LPIN1: variants seen among roughly 807,000 people sequenced by gnomAD.
LPIN1 encodes lipin 1, also known as phosphatidate phosphatase LPIN1.
A neutral mutation model predicts 107.5 loss-of-function variants in LPIN1; 71 were observed. The observed-to-expected ratio is 0.66, with a 90% CI of 0.55 to 0.80. The LOEUF (loss-of-function observed/expected upper bound fraction) is 0.80. LPIN1 is among the 30% of genes least tolerant of loss of function. The pLI is 0.00. For missense variants in LPIN1, 1,043 were observed against 1,160.6 expected (o/e 0.90, Z 1.47); for synonymous variants, 445 against 452.6 (o/e 0.98, Z 0.21).
chr2:11,789,155 A>T (rs537484563), intron 12 of LPIN1, among the ~76,000 whole-genome samples: 100 of 152,358 alleles, frequency 6.6e-4, no homozygotes, highest in African/African-American at 2.4e-3. Flanking sequence ...TTGTGCGCTT[A>T]GCAAGCTTTT....
rs1670782435 is a variant in LPIN1 at position 11,765,830 on chromosome 2, G to A, written c.192+97G>A. ...CCTGTCTTGAACTCTCAGACCCAGA[G>A]TTTTAGGTCTTCGTTGGAAATGGCC... is the stretch of plus-strand genomic sequence containing the variant. On this transcript the variant is annotated intron_variant, in intron 2 of 20. Coordinates refer to ENST00000674199, the MANE Select transcript of LPIN1 (RefSeq NM_001349206.2). The surrounding 1 kb of genome is among the most constrained non-coding windows in gnomAD (Gnocchi z 4.4). The A allele has an allele frequency of 2.7e-6, 3 of 1,091,074 alleles. No individual in the cohort carries two copies. The South Asian group carries it at 5.0e-5, about 18-fold the overall frequency. The allele number at this position is 1,091,074 out of a possible 1,614,324, so 67.6% of individuals were successfully genotyped here.
intron 1 of LPIN1, among the ~76,000 whole-genome samples, chr2:11,710,694 A>T (rs1468052134): frequency 6.6e-6 from 1 of 152,220 alleles, no homozygotes; most frequent in Non-Finnish European, 1.5e-5. Context: ...AAATGAGAAT[A>T]TTGAGGCTTA....
intron 1 of LPIN1, among the ~76,000 whole-genome samples, chr2:11,703,335 A>G (rs1281207290): frequency 6.6e-6 from 1 of 152,146 alleles, no homozygotes; most frequent in East Asian, 1.9e-4. Context: ...CCTGGCTCAT[A>G]GTGACCAATC....
intron 1 of LPIN1, among the ~76,000 whole-genome samples, chr2:11,752,728 G>A (rs1668051852): frequency 6.6e-6 from 1 of 152,084 alleles, no homozygotes; most frequent in Admixed American, 6.6e-5. Flanking sequence ...ACCGCGCCCG[G>A]CCTCCAAGGC....
intron 13 of LPIN1, among the ~76,000 whole-genome samples, chr2:11,793,743 T>C (rs1412026408): frequency 6.6e-6 from 1 of 152,238 alleles, no homozygotes; most frequent in Admixed American, 6.5e-5. Context: ...CCTCTGCCTG[T>C]GAACTTTTCC....
In LPIN1 at chr2:11,774,646, C is replaced by T. The variant is rs1558874061; in HGVS notation, c.722+901C>T. On this transcript the variant is annotated intron_variant, in intron 5 of 20. Coordinates refer to ENST00000674199, the MANE Select transcript of LPIN1 (RefSeq NM_001349206.2). The surrounding 1 kb of genome is among the most constrained non-coding windows in gnomAD (Gnocchi z 4.4). ...GGTTCATGGTGCCAGCCCTTAGAAA[C>T]TCTGGGTTCCTACCTGAAGCCGGTC... 6.6e-6 allele frequency among the ~76,000 whole-genome samples: 1 copy of T among 152,178 alleles called. No individual in the cohort carries two copies. Among genetic ancestry groups the T allele is most frequent in the Non-Finnish European group, 1.5e-5 (1 of 68,038 alleles).
rs116386540 is a variant in LPIN1, at chr2:11,706,334, C to T, written c.82-7422C>T. ...GGAGGCAGGCAGAATAGTGGTCCCC[C>T]AAAGATGCCCCATCCTCATCCTTGG... On this transcript the variant is annotated intron_variant, in intron 1 of 21. Transcript: ENST00000449576. Among the ~76,000 whole-genome samples the T allele has an allele frequency of 9.9e-3, 1,507 of 152,268 alleles. 12 individuals carry two copies. The highest frequency in any genetic ancestry group is 0.015 in the Admixed American group (226 of 15,300).
chr2:11,809,503 G>A (rs561822849), intron 17 of LPIN1, among the ~76,000 whole-genome samples: 231 of 152,092 alleles, frequency 1.5e-3, no homozygotes, highest in Non-Finnish European at 2.8e-3. Flanking sequence ...TGCAACCTCC[G>A]CCTCCCAGGT....
chr2:11,706,006 G>T (rs992374090), intron 1 of LPIN1, among the ~76,000 whole-genome samples: 3 of 152,116 alleles, frequency 2.0e-5, no homozygotes, highest in Non-Finnish European at 4.4e-5. Flanking sequence ...AGATCTGATG[G>T]TTTTAAAAAT....
chr2:11,767,733 ATTCTT>A (rs1671157579), intron 2 of LPIN1, 25 bp from the exon 3 acceptor site: 6 of 1,453,938 alleles, frequency 4.1e-6, no homozygotes, highest in Non-Finnish European at 5.8e-6. Flanking sequence ...AAGGCAGTTC[ATTCTT>A]TTCTTAACCA....
At chr2:11,789,678 G>C (rs1166173068) in intron 12 of LPIN1, among the ~76,000 whole-genome samples, 1 of 152,186 alleles carries the variant, frequency 6.6e-6, no homozygotes, top group Non-Finnish European at 1.5e-5. Flanking sequence ...ATGTTCTCCA[G>C]AGTGGTTTTT....
At chr2:11,819,967 T>G (rs1415233836) in intron 19 of LPIN1, among the ~76,000 whole-genome samples, 1 of 152,186 alleles carries the variant, frequency 6.6e-6, no homozygotes, top group Non-Finnish European at 1.5e-5. Context: ...ACGTTTTAAG[T>G]GTCTAGTGTT....
intron 7 of LPIN1, among the ~76,000 whole-genome samples, chr2:11,781,711 C>T (rs920077879): frequency 6.6e-6 from 1 of 152,218 alleles, no homozygotes; most frequent in Non-Finnish European, 1.5e-5. Flanking sequence ...ATCTGTGCAG[C>T]GTGCACCCAG....
At chr2:11,748,892 G>A (rs1667373476) in intron 1 of LPIN1, among the ~76,000 whole-genome samples, 1 of 152,108 alleles carries the variant, frequency 6.6e-6, no homozygotes, top group Admixed American at 6.5e-5. Flanking sequence ...GTTAGGTCCC[G>A]CCAGGACACC....
chr2:11,743,050 G>A (rs979968003), upstream of LPIN1, among the ~76,000 whole-genome samples: 3 of 152,194 alleles, frequency 2.0e-5, no homozygotes, highest in African/African-American at 7.2e-5. The surrounding 1 kb of genome is among the most constrained non-coding windows in gnomAD (Gnocchi z 4.7). Flanking sequence ...TCAGTGCACG[G>A]CCCTTCAGTT....
chr2:11,691,465 C>T lies in LPIN1; in HGVS notation c.81+13737C>T, dbSNP rs145001711. 5.2e-3 allele frequency among the ~76,000 whole-genome samples: 788 copies of T among 152,282 alleles called. 4 individuals are homozygous for T. The highest frequency in any genetic ancestry group is 0.018 in the African/African-American group (745 of 41,554). On this transcript the variant is annotated intron_variant, in intron 1 of 21. Coordinates refer to the LPIN1 transcript ENST00000449576. ...GTGAAGCCTGGCTCCCGTGTCCCAT[C>T]TATGCTTTCCTCCTCAGGTGCTGAC...
intron 1 of LPIN1, among the ~76,000 whole-genome samples, chr2:11,712,629 T>C (rs1321547552): frequency 6.6e-6 from 1 of 152,152 alleles, no homozygotes; most frequent in Non-Finnish European, 1.5e-5. Flanking sequence ...CTGGAAAAGC[T>C]AAGTGGGTCA....
At chr2:11,792,338 T>C in intron 13 of LPIN1, 1 of 256,144 alleles carries the variant, frequency 3.9e-6, no homozygotes, top group Non-Finnish European at 7.7e-6. Flanking sequence ...AATATCTTCC[T>C]TCTGCTTGTG....
At chr2:11,820,618 T>C in intron 20 of LPIN1, 104 bp downstream of exon 20, 1 of 768,106 alleles carries the variant, frequency 1.3e-6, no homozygotes, top group Non-Finnish European at 2.3e-6. Context: ...TGCCTATATG[T>C]TAATCTGTAA....
Sources: allele counts gnomAD v4.1 joint callset (sites outside exome capture counted in the v4.1 genomes callset), GRCh38; gene constraint gnomAD v4.1.1; non-coding constraint Gnocchi (gnomAD v3.1); transcripts MANE v1.5; gene names NCBI Gene and HGNC (gene_info 2026-07-23, HGNC 2026-07-21).